The following TMOD3 variants were observed in gnomAD, a reference collection of about 807,000 sequenced individuals.
TMOD3 encodes the protein tropomodulin-3.
In TMOD3, 20 loss-of-function variants were observed where a neutral mutation model predicts 39.2. That is an observed-to-expected ratio of 0.51 (90% CI 0.36 to 0.74). The LOEUF is 0.74. TMOD3 is among the 30% of genes least tolerant of loss of function. The pLI is 0.00. For synonymous variants in TMOD3, 143 were observed against 145.8 expected (o/e 0.98, Z 0.14); for missense variants, 381 against 412.8 (o/e 0.92, Z 0.67).
intron 2 of TMOD3, among the ~76,000 whole-genome samples, chr15:51,865,939 G>A (rs1415241806): frequency 6.6e-6 from 1 of 152,010 alleles, no homozygotes; most frequent in Non-Finnish European, 1.5e-5. Context: ...AGCCAGCCTA[G>A]GAAGAGCTTT....
chr15:51,862,535 C>A (rs2554329), intron 1 of TMOD3, among the ~76,000 whole-genome samples: 1 of 152,112 alleles, frequency 6.6e-6, no homozygotes, highest in Admixed American at 6.5e-5. Flanking sequence ...TTCTTTCCCC[C>A]TAAAATTTAA....
At chr15:51,852,626 T>C (rs2056368146) in intron 1 of TMOD3, among the ~76,000 whole-genome samples, 1 of 152,080 alleles carries the variant, frequency 6.6e-6, no homozygotes, top group Non-Finnish European at 1.5e-5. Flanking sequence ...CAGCCCCCCC[T>C]TTAGTTGTGA....
chr15:51,849,086 T>C (rs1219076486), intron 1 of TMOD3, among the ~76,000 whole-genome samples: 1 of 152,174 alleles, frequency 6.6e-6, no homozygotes, highest in Non-Finnish European at 1.5e-5. Context: ...GATAATGGCT[T>C]GGACCAGAGT....
intron 7 of TMOD3, among the ~76,000 whole-genome samples, chr15:51,899,594 A>T (rs1220912049): frequency 1.3e-5 from 2 of 151,718 alleles, no homozygotes; most frequent in African/African-American, 4.8e-5. Context: ...TGAGCCCAGG[A>T]GGCAGAGGTT....
intron 6 of TMOD3, 33 bp from the exon 7 acceptor site, chr15:51,896,386 A>T: frequency 7.0e-7 from 1 of 1,420,694 alleles, no homozygotes; most frequent in Non-Finnish European, 9.8e-7. Flanking sequence ...GAAAATTGAA[A>T]TGTAATGATG....
intron 1 of TMOD3, among the ~76,000 whole-genome samples, chr15:51,831,226 AT>A (rs1443947275): frequency 6.6e-6 from 1 of 152,206 alleles, no homozygotes; most frequent in Non-Finnish European, 1.5e-5. Flanking sequence ...CATATTTTTT[AT>A]GATTAATTCC....
Position 51,912,033 on chromosome 15 carries a change from T to TA in TMOD3, c.*3224dup, listed in dbSNP as rs2056714246. On this transcript the variant is annotated 3_prime_UTR_variant, in exon 10 of 10. Coordinates refer to ENST00000308580, the MANE Select transcript of TMOD3 (RefSeq NM_014547.5). ...TATAAGATATTCGCTCTGGAGAAGT[T>TA]ACATGTAAATAGAATTCTATAAATT... 1 of 152,222 alleles carries TA rather than the reference T, an allele frequency of 6.6e-6. No homozygotes were observed. Among genetic ancestry groups the TA allele is most frequent in the Non-Finnish European group, 1.5e-5 (1 of 68,042 alleles). 9.4% of individuals were successfully genotyped at this position (152,222 alleles called of 1,614,324 possible).
At chr15:51,902,093 G>T (rs1595912824) in intron 9 of TMOD3, 57 bp downstream of exon 9, 1 of 1,579,786 alleles carries the variant, frequency 6.3e-7, no homozygotes, top group African/African-American at 1.4e-5. Flanking sequence ...CGTATTGGGG[G>T]AACTTCTTTC....
intron 1 of TMOD3, among the ~76,000 whole-genome samples, chr15:51,852,265 G>C (rs185734487): frequency 2.0e-4 from 30 of 152,214 alleles, no homozygotes; most frequent in African/African-American, 7.0e-4. Flanking sequence ...TGATCTGGTG[G>C]GTTGTGGAGA....
At chr15:51,897,686 T>C (rs1366064848) in intron 7 of TMOD3, among the ~76,000 whole-genome samples, 1 of 148,734 alleles carries the variant, frequency 6.7e-6, no homozygotes, top group African/African-American at 2.5e-5. Context: ...GGTTTCACCA[T>C]ATTGGCCAGG....
chr15:51,860,232 G>A (rs1482738195), intron 1 of TMOD3: 2 of 499,562 alleles, frequency 4.0e-6, no homozygotes, highest in Non-Finnish European at 7.9e-6. Context: ...TAGACCTTTG[G>A]CAAAGTCAAA....
chr15:51,839,178 T>TTTTTTTTTTTTTTTTTTTTTTC (rs2056301402), intron 1 of TMOD3, among the ~76,000 whole-genome samples: 2 of 147,644 alleles, frequency 1.4e-5, no homozygotes, highest in African/African-American at 5.0e-5. Context: ...TTTTTTTTTT[T>TTTTTTTTTTTTTTTTTTTTTTC]CCATTTTGTT....
In TMOD3 at chr15:51,862,955, T is replaced by C; in HGVS notation, c.71T>C (p.Leu24Pro). Residue 24 changes from leucine (L) to proline (P), a missense_variant, in exon 2 of 10, where the codon CTG becomes CCG. Physicochemically the swap from Leu to Pro is moderately conservative, Grantham distance 98. Coordinates refer to ENST00000308580, the MANE Select transcript of TMOD3 (RefSeq NM_014547.5). ...DLDEDELLGN[L>P]SETELKQLET... is the part of the protein sequence containing the mutation. ...GATGAAGATGAGCTCCTTGGGAATC[T>C]GTCAGAAACAGAACTGAAACAACTG... is the stretch of plus-strand genomic sequence containing the variant. 1 of 1,614,114 alleles carries C rather than the reference T, an allele frequency of 6.2e-7. No individual in the cohort carries two copies. Among genetic ancestry groups the C allele is most frequent in the Non-Finnish European group, 8.5e-7 (1 of 1,179,968 alleles).
rs145241668 is a variant in TMOD3, at chr15:51,882,423, C to T, written c.284-5166C>T. On this transcript the variant is annotated intron_variant, in intron 3 of 9. Transcript: ENST00000308580. ...CTGAGGTACGAGAATCGCTTGAACC[C>T]AGGAGGCAGAGGTTGCATGGAGCTG... Among the ~76,000 whole-genome samples the T allele has an allele frequency of 4.1e-4, 63 of 152,012 alleles. No individual in the cohort carries two copies. In the East Asian group the frequency reaches 0.012, roughly 28 times the overall value.
At chr15:51,842,541 C>T (rs1371602935) in intron 1 of TMOD3, among the ~76,000 whole-genome samples, 1 of 152,030 alleles carries the variant, frequency 6.6e-6, no homozygotes, top group East Asian at 1.9e-4. Flanking sequence ...AGTGCCCTGT[C>T]TGTTGGTTAT....
chr15:51,852,093 A>T (rs2056365054), intron 1 of TMOD3, among the ~76,000 whole-genome samples: 1 of 152,184 alleles, frequency 6.6e-6, no homozygotes, highest in Non-Finnish European at 1.5e-5. Flanking sequence ...GCCACTTTTA[A>T]AATAGGGCAG....
intron 2 of TMOD3, among the ~76,000 whole-genome samples, chr15:51,868,300 A>C (rs911372084): frequency 7.5e-6 from 1 of 133,016 alleles, no homozygotes; most frequent in African/African-American, 2.6e-5. Flanking sequence ...CATTAATAAA[A>C]CTTTTTAAAA....
At chr15:51,891,062 A>G (rs1440837346) in intron 5 of TMOD3, among the ~76,000 whole-genome samples, 2 of 152,198 alleles carry the variant, frequency 1.3e-5, no homozygotes, top group Non-Finnish European at 2.9e-5. Context: ...TGCCATCATC[A>G]AACTTAAAAA....
chr15:51,871,765 A>G (rs1010232673), intron 3 of TMOD3, among the ~76,000 whole-genome samples: 3 of 151,696 alleles, frequency 2.0e-5, no homozygotes, highest in South Asian at 2.1e-4. Context: ...ATCCTCAACT[A>G]TGGTAGAATA....
Sources: gnomAD v4.1 joint callset for allele counts (sites outside exome capture counted in the v4.1 genomes callset) on GRCh38, gnomAD v4.1.1 for gene constraint, MANE v1.5 for transcripts, NCBI Gene and HGNC (gene_info 2026-07-23, HGNC 2026-07-21) for gene names.